Variants in RPS14 observed in about 807,000 individuals in gnomAD.
RPS14 encodes small ribosomal subunit protein uS11.
RPS14 carries 1 observed loss-of-function variant against 15.4 expected under a neutral mutation model. The observed-to-expected ratio is 0.07, with a 90% CI of 0.02 to 0.31. The LOEUF (loss-of-function observed/expected upper bound fraction) is 0.31. Among genes scored for constraint, RPS14 ranks in the 10% least tolerant of loss-of-function variants. The pLI is 1.00. For synonymous variants in RPS14, 68 were observed against 74.4 expected (o/e 0.91, Z 0.44); for missense variants, 69 against 205.5 (o/e 0.34, Z 4.06).
chr5:150,446,209 G>T lies in RPS14; in HGVS notation c.312-524C>A, dbSNP rs1028635280. On this transcript the variant is annotated intron_variant, in intron 3 of 4. Coordinates refer to ENST00000407193, the MANE Select transcript of RPS14 (RefSeq NM_005617.4). The surrounding 1 kb of genome is among the most constrained non-coding windows in gnomAD (Gnocchi z 4.2). ...GTTCACGCAACAGTCATCTATTTCA[G>T]CTTTCATGCCCCCATCACTCAAATC... is the stretch of plus-strand genomic sequence containing the variant. Among the ~76,000 whole-genome samples the T allele has an allele frequency of 2.0e-5, 3 of 152,156 alleles. No individual in the cohort carries two copies. Among genetic ancestry groups the T allele is most frequent in the Middle Eastern group, 3.4e-3 (1 of 294 alleles).
chr5:150,444,861 CA>C (rs58978883), intron 4 of RPS14, among the ~76,000 whole-genome samples: 87 of 137,902 alleles, frequency 6.3e-4, no homozygotes, highest in Admixed American at 7.3e-4. Flanking sequence ...CTCCCCGCTA[CA>C]AAAAAAAAAA....
chr5:150,448,507 G>A (rs1443182827), intron 1 of RPS14: 1 of 152,210 alleles, frequency 6.6e-6, no homozygotes, highest in Non-Finnish European at 1.5e-5. Flanking sequence ...GGAAGGCTAG[G>A]ATAAGACTGC....
At chr5:150,447,467 T>G (rs1405314612) in intron 2 of RPS14, 118 bp downstream of exon 2, 1 of 1,047,370 alleles carries the variant, frequency 9.5e-7, no homozygotes, top group Non-Finnish European at 1.5e-6. Context: ...CAAGCACATT[T>G]TCTTACCTGG....
chr5:150,444,619 T>C, intron 4 of RPS14: 1 of 648,694 alleles, frequency 1.5e-6, no homozygotes. Context: ...ATCCAGGTTC[T>C]GACATCTAGC....
intron 1 of RPS14, 100 bp from the exon 2 acceptor site, chr5:150,447,835 C>G: frequency 1.6e-6 from 2 of 1,284,902 alleles, no homozygotes; most frequent in Non-Finnish European, 2.2e-6. Flanking sequence ...CTTCATGTCC[C>G]TGTCTTCTTC....
chr5:150,447,529 GC>G, intron 2 of RPS14, 55 bp downstream of exon 2: 1 of 1,568,066 alleles, frequency 6.4e-7, no homozygotes. Context: ...GCCCGTCCCA[GC>G]CATTGCCTTC....
intron 1 of RPS14, 198 bp from the exon 2 acceptor site, chr5:150,447,933 T>C (rs780636598): frequency 1.8e-6 from 1 of 566,986 alleles, no homozygotes; most frequent in Non-Finnish European, 3.1e-6. Flanking sequence ...TGTGGCCACA[T>C]GGCAAAGTAC....
At chr5:150,447,270 C>A in intron 2 of RPS14, 3 of 529,152 alleles carry the variant, frequency 5.7e-6, no homozygotes, top group Non-Finnish European at 6.7e-6. Context: ...TCACAACTTG[C>A]TAAATGGCCG....
intron 1 of RPS14, chr5:150,448,561 G>T (rs976062990): frequency 2.6e-5 from 4 of 152,188 alleles, no homozygotes; most frequent in African/African-American, 4.8e-5. Flanking sequence ...CTGGTGTTCA[G>T]AACAATTTAA....
rs1771021831 is a variant in RPS14 at position 150,444,232 on chromosome 5, A to T, written c.*54T>A. Reference sequence around the variant, plus strand: ...GATGAAGGAGAGAAGGCTGGAGTTGAAACAGTTTACATGAAGGCAATTTAT... The same window carrying T: ...GATGAAGGAGAGAAGGCTGGAGTTGTAACAGTTTACATGAAGGCAATTTAT... On this transcript the variant is annotated 3_prime_UTR_variant, in exon 5 of 5. Transcript: ENST00000407193. 1 of 1,570,350 alleles carries T rather than the reference A, an allele frequency of 6.4e-7. No homozygotes were observed. Among genetic ancestry groups the T allele is most frequent in the Non-Finnish European group, 8.7e-7 (1 of 1,154,848 alleles).
At chr5:150,445,747 C>A in intron 3 of RPS14, 62 bp from the exon 4 acceptor site, 2 of 1,323,216 alleles carry the variant, frequency 1.5e-6, no homozygotes, top group South Asian at 1.2e-5. Flanking sequence ...GATCTCCTTT[C>A]TAAGATCCCA....
In RPS14 at chr5:150,446,090, A is replaced by C. The variant is rs2151200059; in HGVS notation, c.312-405T>G. On this transcript the variant is annotated intron_variant, in intron 3 of 4. Transcript: ENST00000407193. This position sits in a 1 kb window ranked among gnomAD's most constrained non-coding sequence, Gnocchi z 4.2. ...CTGGGTGAGAGTGAGACCCTGTCTC[A>C]AAAAAGAGGAAAAAAAAAAAAGCCA... 7.0e-6 allele frequency among the ~76,000 whole-genome samples: 1 copy of C among 142,158 alleles called. No homozygotes were observed. The highest frequency in any genetic ancestry group is 3.5e-3 in the Middle Eastern group (1 of 282). 93.3% of individuals were successfully genotyped at this position (142,158 alleles called of 152,430 possible).
At chr5:150,445,456 T>G (rs1771064110) in intron 4 of RPS14, 153 bp downstream of exon 4, 1 of 733,428 alleles carries the variant, frequency 1.4e-6, no homozygotes, top group African/African-American at 1.7e-5. Flanking sequence ...GAGAGATTTT[T>G]AAGTCACAAG....
Position 150,445,675 on chromosome 5 carries a change from G to A in RPS14, c.322C>T (p.Pro108Ser). 1 of 1,608,670 alleles carries A rather than the reference G, an allele frequency of 6.2e-7. No homozygotes were observed. Among genetic ancestry groups the A allele is most frequent in the Non-Finnish European group, 8.5e-7 (1 of 1,178,726 alleles). Residue 108 changes from proline to serine, a missense_variant, in exon 4 of 5, where the codon CCT (proline) becomes TCT (serine). By Grantham distance (74) the Pro-to-Ser change is moderately conservative. Transcript: ENST00000407193. Reference protein sequence around the residue: ...RATGGNRTKTPGPGAQSALRA... With the variant: ...RATGGNRTKTSGPGAQSALRA... ...AGGGCCGACTGGGCCCCAGGTCCAG[G>A]GGTCTTGGTCCTAGAAAATGAAGGT... is the stretch of plus-strand genomic sequence containing the variant.
chr5:150,447,815 C>T (rs1469412894), intron 1 of RPS14, 80 bp from the exon 2 acceptor site: 2 of 1,437,554 alleles, frequency 1.4e-6, no homozygotes, highest in African/African-American at 1.4e-5. Context: ...TAAATGAAAC[C>T]CTAGTCCTGC....
At position 150,443,078 on chromosome 5, in the gene RPS14, A is replaced by G. The variant is rs1770983590; in HGVS notation, c.*1208T>C. 6.6e-6 allele frequency: 1 copy of G among 152,116 alleles called. No homozygotes were observed. Among genetic ancestry groups the G allele is most frequent in the Non-Finnish European group, 1.5e-5 (1 of 68,004 alleles). 9.4% of individuals were successfully genotyped at this position (152,116 alleles called of 1,614,324 possible). ...ATCCAGGATACCACAATGGGCATTT[A>G]GTTTTCACGCCTCCTTAATCTCCTG... is the stretch of plus-strand genomic sequence containing the variant. On this transcript the variant is annotated 3_prime_UTR_variant, in exon 5 of 5. Transcript: ENST00000407193.
Position 150,444,061 on chromosome 5 carries a change from G to A in RPS14, c.*225C>T, listed in dbSNP as rs141054618. 7 of 460,110 alleles carry A rather than the reference G, an allele frequency of 1.5e-5. No individual in the cohort carries two copies. The East Asian group carries it at 2.6e-4, about 17-fold the overall frequency. 28.5% of individuals were successfully genotyped at this position (460,110 alleles called of 1,614,324 possible). On this transcript the variant is annotated 3_prime_UTR_variant, in exon 5 of 5. Coordinates refer to ENST00000407193, the MANE Select transcript of RPS14 (RefSeq NM_005617.4). Reference sequence around the variant, plus strand: ...TCAAAACGAGGTCTCCAACGCCTTGGTCTGCTTTAGATGACCAAGGCAACT... The same window carrying A: ...TCAAAACGAGGTCTCCAACGCCTTGATCTGCTTTAGATGACCAAGGCAACT...
In RPS14 at chr5:150,446,798, G is replaced by C. The variant is rs556613716; in HGVS notation, c.311+4C>G. ...CACCCAGCCATCCCCTCTGCGACTC[G>C]TACCTATTTCCTCCTGTGGCCCGGA... is the stretch of plus-strand genomic sequence containing the variant. On this transcript the variant is annotated splice_donor_region_variant and intron_variant, in intron 3 of 4. Coordinates refer to ENST00000407193, the MANE Select transcript of RPS14 (RefSeq NM_005617.4). The surrounding 1 kb of genome is among the most constrained non-coding windows in gnomAD (Gnocchi z 4.2). 3 of 1,613,530 alleles carry C rather than the reference G, an allele frequency of 1.9e-6. No individual in the cohort carries two copies. Among genetic ancestry groups the C allele is most frequent in the African/African-American group, 2.7e-5 (2 of 75,034 alleles).
intron 4 of RPS14, among the ~76,000 whole-genome samples, chr5:150,444,887 A>G (rs1164766955): frequency 6.6e-6 from 1 of 150,764 alleles, no homozygotes; most frequent in Non-Finnish European, 1.5e-5. Context: ...GGTGTGGCAC[A>G]CACTGTTGTC....
Sources: gnomAD v4.1 joint callset for allele counts (sites outside exome capture counted in the v4.1 genomes callset) on GRCh38, gnomAD v4.1.1 for gene constraint, Gnocchi (gnomAD v3.1) non-coding constraint, MANE v1.5 for transcripts, NCBI Gene and HGNC (gene_info 2026-07-23, HGNC 2026-07-21) for gene names.